CTNNA2: variants seen among roughly 807,000 people sequenced by gnomAD.
The protein encoded by CTNNA2 is catenin alpha 2.
A neutral mutation model predicts 101.0 loss-of-function variants in CTNNA2; 42 were observed. The observed-to-expected ratio is 0.42, with a 90% CI of 0.32 to 0.54. The LOEUF (loss-of-function observed/expected upper bound fraction) is 0.54, where lower values mean the gene tolerates loss of function less well. CTNNA2 is among the 20% of genes least tolerant of loss of function. The probability of loss-of-function intolerance (pLI) is 0.14; values close to 1 mark genes in which losing one functional copy is unlikely to be tolerated. For synonymous variants in CTNNA2, 450 were observed against 456.4 expected (o/e 0.99, Z 0.18); for missense variants, 871 against 1,223.1 (o/e 0.71, Z 4.29).
chr2:79,767,639 A>G (rs1251505744), intron 3 of CTNNA2, among the ~76,000 whole-genome samples: 1 of 151,910 alleles, frequency 6.6e-6, no homozygotes, highest in South Asian at 2.1e-4. Context: ...ATTCAGAAGA[A>G]TTTTCTGTAT....
At chr2:80,402,797 T>G (rs1241305248) in intron 8 of CTNNA2, among the ~76,000 whole-genome samples, 1 of 147,938 alleles carries the variant, frequency 6.8e-6, no homozygotes, top group East Asian at 1.9e-4. Context: ...TAATATAAAT[T>G]ATATATTTAT....
chr2:79,462,326 A>G (rs1670888838), intron 4 of CTNNA2, among the ~76,000 whole-genome samples: 2 of 152,320 alleles, frequency 1.3e-5, no homozygotes, highest in Non-Finnish European at 1.5e-5. Context: ...CTCCTCTTCA[A>G]GATAATTTAT....
chr2:79,423,514 G>A (rs1169693723), intron 4 of CTNNA2, among the ~76,000 whole-genome samples: 1 of 152,068 alleles, frequency 6.6e-6, no homozygotes, highest in East Asian at 1.9e-4. Context: ...TCCTGTTATT[G>A]TACTTATGAA....
intron 18 of CTNNA2, among the ~76,000 whole-genome samples, chr2:80,624,000 G>C (rs910208208): frequency 7.9e-5 from 12 of 151,746 alleles, no homozygotes; most frequent in Non-Finnish European, 1.3e-4. Flanking sequence ...TAAATAATCA[G>C]TGATGCTATT....
chr2:80,078,755 T>G (rs746629665), intron 7 of CTNNA2, among the ~76,000 whole-genome samples: 2 of 152,200 alleles, frequency 1.3e-5, no homozygotes, highest in African/African-American at 2.4e-5. Flanking sequence ...TTGTGTGTAT[T>G]TGTTTGTTTC....
At chr2:79,603,006 C>A (rs751387567) in intron 1 of CTNNA2, among the ~76,000 whole-genome samples, 7 of 152,060 alleles carry the variant, frequency 4.6e-5, no homozygotes, top group Non-Finnish European at 8.8e-5. Context: ...TCAAAATTTA[C>A]TTTTCTCGTA....
intron 3 of CTNNA2, among the ~76,000 whole-genome samples, chr2:79,833,587 A>G (rs1679088305): frequency 6.6e-6 from 1 of 152,200 alleles, no homozygotes; most frequent in Admixed American, 6.5e-5. Flanking sequence ...AAATCCTGCC[A>G]CTTAGTAAAA....
chr2:80,451,332 T>TC (rs896461066), intron 9 of CTNNA2, among the ~76,000 whole-genome samples: 5 of 152,100 alleles, frequency 3.3e-5, no homozygotes, highest in Non-Finnish European at 5.9e-5. Flanking sequence ...AAGGAGCTTT[T>TC]CCCCCTTTGC....
intron 13 of CTNNA2, among the ~76,000 whole-genome samples, chr2:80,576,987 C>G (rs778853983): frequency 4.6e-5 from 7 of 152,034 alleles, no homozygotes; most frequent in Non-Finnish European, 7.4e-5. Context: ...AAGGGTAGCA[C>G]ATAGACATCT....
chr2:80,105,719 G>A (rs1335317860), intron 7 of CTNNA2, among the ~76,000 whole-genome samples: 4 of 151,922 alleles, frequency 2.6e-5, no homozygotes, highest in Non-Finnish European at 5.9e-5. Context: ...GGGCAACAGA[G>A]GGAGATCTTG....
chr2:80,604,019 G>A (rs1697782997), intron 15 of CTNNA2, 55 bp from the exon 16 acceptor site: 5 of 1,431,612 alleles, frequency 3.5e-6, no homozygotes, highest in Non-Finnish European at 3.9e-6. Context: ...ATGGTAGGTT[G>A]GTCTCTTTCC....
At chr2:79,461,652 CGCCT>C (rs1670880733) in intron 4 of CTNNA2, among the ~76,000 whole-genome samples, 2 of 152,072 alleles carry the variant, frequency 1.3e-5, no homozygotes, top group African/African-American at 4.8e-5. Flanking sequence ...TGGGCCATCA[CGCCT>C]ATCTAAGAAG....
chr2:80,364,556 A>ATTTTTTTTTTTTTT (rs57073635), intron 7 of CTNNA2, among the ~76,000 whole-genome samples: 11 of 123,516 alleles, frequency 8.9e-5, no homozygotes, highest in African/African-American at 1.2e-4. Context: ...AGAGAAAGTA[A>ATTTTTTTTTTTTTT]TTTTTTTTTT....
intron 2 of CTNNA2, among the ~76,000 whole-genome samples, chr2:79,688,691 T>C (rs530963501): frequency 2.0e-5 from 3 of 152,134 alleles, no homozygotes; most frequent in East Asian, 1.9e-4. Flanking sequence ...GGAAAGAGAA[T>C]AAATTCAGAA....
intron 2 of CTNNA2, among the ~76,000 whole-genome samples, chr2:79,675,276 G>T (rs1460652615): frequency 6.6e-6 from 1 of 152,100 alleles, no homozygotes; most frequent in African/African-American, 2.4e-5. Context: ...GTATATAATT[G>T]GTATTGATTC....
chr2:79,765,331 T>C (rs1673074484), intron 3 of CTNNA2, among the ~76,000 whole-genome samples: 1 of 152,080 alleles, frequency 6.6e-6, no homozygotes, highest in Non-Finnish European at 1.5e-5. Flanking sequence ...TCACTAGTAC[T>C]TTCTTTTTTT....
At chr2:79,919,564 C>T (rs1374448944) in intron 7 of CTNNA2, among the ~76,000 whole-genome samples, 1 of 152,166 alleles carries the variant, frequency 6.6e-6, no homozygotes, top group Non-Finnish European at 1.5e-5. Context: ...GTCTGGACAG[C>T]ACATACCTGG....
intron 9 of CTNNA2, among the ~76,000 whole-genome samples, chr2:80,533,767 C>T (rs535504667): frequency 3.3e-5 from 5 of 152,134 alleles, no homozygotes; most frequent in African/African-American, 1.2e-4. Context: ...TGGAGAGTTG[C>T]AAGGTTTTAG....
At chr2:80,401,701 G>C (rs920876) in intron 8 of CTNNA2, among the ~76,000 whole-genome samples, 152,173 of 152,198 alleles carry the variant, frequency 1, 76,074 homozygotes, top group Middle Eastern at 1. Flanking sequence ...CAACTCTTCT[G>C]CAATCTCCTT....
Sources: allele counts gnomAD v4.1 joint callset (sites outside exome capture counted in the v4.1 genomes callset), GRCh38; gene constraint gnomAD v4.1.1; transcripts MANE v1.5; gene names NCBI Gene and HGNC (gene_info 2026-07-23, HGNC 2026-07-21).